Variants in SPTLC3 observed in about 807,000 individuals in gnomAD.
SPTLC3 encodes serine palmitoyltransferase 3.
A neutral mutation model predicts 59.3 loss-of-function variants in SPTLC3; 36 were observed. The ratio of observed to expected loss-of-function variants is 0.61; its 90% CI spans 0.47 to 0.80. The LOEUF (loss-of-function observed/expected upper bound fraction) is 0.80, where lower values mean the gene tolerates loss of function less well. Among genes scored for constraint, SPTLC3 ranks in the 30% least tolerant of loss-of-function variants. The pLI is 0.00. For missense variants in SPTLC3, 625 were observed against 685.1 expected (o/e 0.91, Z 0.98); for synonymous variants, 257 against 240.8 (o/e 1.07, Z -0.62).
At chr20:13,092,516 C>A (rs1377380753) in intron 5 of SPTLC3, among the ~76,000 whole-genome samples, 1 of 152,186 alleles carries the variant, frequency 6.6e-6, no homozygotes, top group East Asian at 1.9e-4. Context: ...TAAATTTGAA[C>A]TGTCTATCAA....
At chr20:13,019,854 C>G (rs1267389466) in intron 1 of SPTLC3, among the ~76,000 whole-genome samples, 1 of 152,232 alleles carries the variant, frequency 6.6e-6, no homozygotes, top group Non-Finnish European at 1.5e-5. Flanking sequence ...ATGGGTTATA[C>G]ACAGCTCTTA....
chr20:13,130,707 G>T (rs112677245), intron 9 of SPTLC3, among the ~76,000 whole-genome samples: 2 of 152,216 alleles, frequency 1.3e-5, no homozygotes, highest in East Asian at 3.9e-4. Context: ...TCACTCTGAG[G>T]AGTGCAGTGA....
chr20:13,062,317 A>G (rs1200632165), intron 2 of SPTLC3, among the ~76,000 whole-genome samples: 1 of 152,232 alleles, frequency 6.6e-6, no homozygotes, highest in Non-Finnish European at 1.5e-5. Context: ...TAGGCTAAGA[A>G]GGCAACCCCA....
At chr20:13,100,137 T>C (rs1989552924) in intron 6 of SPTLC3, among the ~76,000 whole-genome samples, 1 of 152,182 alleles carries the variant, frequency 6.6e-6, no homozygotes, top group East Asian at 1.9e-4. Context: ...TATAAATGAA[T>C]CAGAATTCTG....
intron 1 of SPTLC3, among the ~76,000 whole-genome samples, chr20:13,036,428 C>T (rs1339062746): frequency 6.6e-6 from 1 of 151,980 alleles, no homozygotes; most frequent in Non-Finnish European, 1.5e-5. Context: ...GATCCACTTC[C>T]ACTTAATGAA....
At position 13,044,526 on chromosome 20, in the gene SPTLC3, T is replaced by C. The variant is rs1382588828; in HGVS notation, c.118-4419T>C. On this transcript the variant is annotated intron_variant, in intron 1 of 11. Transcript: ENST00000399002. The stretch of plus-strand genomic sequence containing the variant: ...ACAAATCCAGCAAGGAAGCCATATA[T>C]ATCCTTGGTCAATATATATGACCGA... Among the ~76,000 whole-genome samples the C allele has an allele frequency of 4.6e-5, 7 of 152,318 alleles. No individual in the cohort carries two copies. The East Asian group carries it at 1.4e-3, about 29-fold the overall frequency.
chr20:13,086,517 A>G (rs1169693417), intron 4 of SPTLC3, among the ~76,000 whole-genome samples: 1 of 152,184 alleles, frequency 6.6e-6, no homozygotes, highest in Non-Finnish European at 1.5e-5. Flanking sequence ...CCAAACAGAG[A>G]AATTCCATGG....
intron 9 of SPTLC3, among the ~76,000 whole-genome samples, chr20:13,138,807 C>G (rs1184285108): frequency 6.6e-6 from 1 of 152,188 alleles, no homozygotes; most frequent in Non-Finnish European, 1.5e-5. Context: ...TAGACACCAT[C>G]AGATATGGAG....
At chr20:13,018,181 A>G (rs1356497798) in intron 1 of SPTLC3, among the ~76,000 whole-genome samples, 1 of 152,176 alleles carries the variant, frequency 6.6e-6, no homozygotes, top group Non-Finnish European at 1.5e-5. Context: ...CAAATAAATA[A>G]TTGCTGTTTT....
At chr20:13,023,448 T>G (rs117776055) in intron 1 of SPTLC3, among the ~76,000 whole-genome samples, 1 of 152,174 alleles carries the variant, frequency 6.6e-6, no homozygotes, top group Non-Finnish European at 1.5e-5. Context: ...AGAGCCTATA[T>G]GTAATAGGAG....
At chr20:13,013,608 C>G (rs533486395) in intron 1 of SPTLC3, among the ~76,000 whole-genome samples, 1 of 152,276 alleles carries the variant, frequency 6.6e-6, no homozygotes, top group East Asian at 1.9e-4. Context: ...CTTAAGGAAT[C>G]CGCAGTTTTT....
chr20:13,122,217 C>T (rs2037882904), intron 8 of SPTLC3, among the ~76,000 whole-genome samples: 2 of 152,208 alleles, frequency 1.3e-5, no homozygotes, highest in Non-Finnish European at 2.9e-5. Flanking sequence ...AAGTGTAAAG[C>T]TCCATCCCTG....
intron 6 of SPTLC3, among the ~76,000 whole-genome samples, chr20:13,094,286 G>A (rs1180792146): frequency 6.6e-6 from 1 of 152,130 alleles, no homozygotes; most frequent in Non-Finnish European, 1.5e-5. Context: ...GTAAAATGAG[G>A]TGTCGAACTC....
chr20:13,061,722 A>G lies in SPTLC3; in HGVS notation c.304-10534A>G, dbSNP rs1417948451. Among the ~76,000 whole-genome samples the G allele has an allele frequency of 3.9e-5, 6 of 152,064 alleles. No homozygotes were observed. In the East Asian group the frequency reaches 9.6e-4, roughly 24 times the overall value. ...CAGTTGTATGTTCCAAATACACTGT[A>G]TTTGTTATCAGACTACTTCTTACCA... On this transcript the variant is annotated intron_variant, in intron 2 of 11. Coordinates refer to ENST00000399002, the MANE Select transcript of SPTLC3 (RefSeq NM_018327.4).
chr20:13,162,783 C>A (rs1355770731), intron 11 of SPTLC3, among the ~76,000 whole-genome samples: 1 of 152,122 alleles, frequency 6.6e-6, no homozygotes, highest in East Asian at 1.9e-4. Flanking sequence ...TTAACAGCAT[C>A]CAACCCAGAA....
intron 6 of SPTLC3, among the ~76,000 whole-genome samples, chr20:13,097,227 A>G (rs1415778358): frequency 6.6e-6 from 1 of 152,098 alleles, no homozygotes; most frequent in East Asian, 1.9e-4. Context: ...TCAGGGAAGA[A>G]GAAAAGATTA....
At chr20:13,147,063 G>C (rs1193606272) in intron 9 of SPTLC3, among the ~76,000 whole-genome samples, 1 of 152,164 alleles carries the variant, frequency 6.6e-6, no homozygotes. Flanking sequence ...GTGGGAGGTG[G>C]AGGCAGGGTG....
intron 1 of SPTLC3, among the ~76,000 whole-genome samples, chr20:13,042,680 G>A (rs1277041245): frequency 6.6e-6 from 1 of 152,180 alleles, no homozygotes; most frequent in African/African-American, 2.4e-5. Context: ...GCAGGGGACA[G>A]GAAGCCTCAT....
In SPTLC3 at chr20:13,107,775, CTT is replaced by C. The variant is rs34968369; in HGVS notation, c.827-2324_827-2323del. Reference sequence around the variant, plus strand: ...ATTAAAGAAAGGAAAGGAAAATGACCTTTTTTTTTTTTTTGTATCTGTTGGTT... The same window carrying C: ...ATTAAAGAAAGGAAAGGAAAATGACCTTTTTTTTTTTTGTATCTGTTGGTT... On this transcript the variant is annotated intron_variant, in intron 6 of 11. Transcript: ENST00000399002. Among the ~76,000 whole-genome samples, 94 of 141,978 alleles carry C rather than the reference CTT, an allele frequency of 6.6e-4. 1 individual carries two copies. The highest frequency in any genetic ancestry group is 1.1e-3 in the African/African-American group (41 of 38,696). 93.1% of individuals were successfully genotyped at this position (141,978 alleles called of 152,430 possible).
Sources: gnomAD v4.1 joint callset for allele counts (sites outside exome capture counted in the v4.1 genomes callset) on GRCh38, gnomAD v4.1.1 for gene constraint, MANE v1.5 for transcripts, NCBI Gene and HGNC (gene_info 2026-07-23, HGNC 2026-07-21) for gene names.